The following ANK2 variants were observed in gnomAD, a reference collection of about 807,000 sequenced individuals.
ANK2 encodes the protein ankyrin 2.
ANK2 carries 83 observed loss-of-function variants against 360.5 expected under a neutral mutation model. The ratio of observed to expected loss-of-function variants is 0.23; its 90% CI spans 0.19 to 0.28. ANK2 has a LOEUF of 0.28. ANK2 is among the 10% of genes least tolerant of loss of function. The probability of loss-of-function intolerance (pLI) is 1.00; values close to 1 mark genes in which losing one functional copy is unlikely to be tolerated. For synonymous variants in ANK2, 1,740 were observed against 1,759.5 expected, an observed-to-expected ratio of 0.99 and a Z score of 0.28; for missense variants, 4,201 against 4,795.7, an observed-to-expected ratio of 0.88 and a Z score of 3.66.
rs371805589 is a variant in ANK2 at position 113,236,140 on chromosome 4, G to T, written c.484-847G>T. Among the ~76,000 whole-genome samples, 4 of 139,888 alleles carry T rather than the reference G, an allele frequency of 2.9e-5. No homozygotes were observed. In the East Asian group the frequency reaches 6.8e-4, roughly 24 times the overall value. The allele number at this position is 139,888 out of a possible 152,430, so 91.8% of individuals were successfully genotyped here. ...TTTCCAACTTTTGTGGATTAAGGATGTTTTTTTTTTCTTTCACGTAAGTAG... is the reference window on the plus strand; with the variant it reads ...TTTCCAACTTTTGTGGATTAAGGATTTTTTTTTTTTCTTTCACGTAAGTAG... On this transcript the variant is annotated intron_variant, in intron 5 of 45. Coordinates refer to ENST00000357077, the MANE Select transcript of ANK2 (RefSeq NM_001148.6).
Position 113,358,511 on chromosome 4 carries a change from C to G in ANK2, c.9893C>G (p.Thr3298Ser). ...GCACCCATGGAGAATGTGCCTTTTACTGAAAGCAAATCCAAAATTCCTGTA... is the reference window on the plus strand; with the variant it reads ...GCACCCATGGAGAATGTGCCTTTTAGTGAAAGCAAATCCAAAATTCCTGTA... ...PTAPMENVPF[T>S]ESKSKIPVRT... is the part of the protein sequence containing the mutation. Residue 3298 changes from threonine (T) to serine (S), a missense_variant, in exon 38 of 46, where the codon ACT becomes AGT. Around this residue, in one of 4 missense-constraint regions of ANK2, gnomAD observed 2,642 missense variants for 2,714.5 expected, o/e 0.97. Transcript: ENST00000357077. The G allele has an allele frequency of 6.2e-7, 1 of 1,614,094 alleles. No homozygotes were observed. The highest frequency in any genetic ancestry group is 8.5e-7 in the Non-Finnish European group (1 of 1,179,970).
intron 2 of ANK2, among the ~76,000 whole-genome samples, chr4:113,014,898 A>G (rs1435509242): frequency 3.2e-4 from 38 of 119,352 alleles, no homozygotes; most frequent in Middle Eastern, 8.2e-3. Flanking sequence ...TCGCTCTGTC[A>G]CCCAGGCTGG....
At chr4:112,822,620 C>T (rs1326303363) in intron 1 of ANK2, among the ~76,000 whole-genome samples, 1 of 151,478 alleles carries the variant, frequency 6.6e-6, no homozygotes, top group African/African-American at 2.4e-5. Flanking sequence ...GTGGCATGCG[C>T]CTGTGGCCCC....
intron 2 of ANK2, among the ~76,000 whole-genome samples, chr4:112,982,538 TA>T (rs1295019070): frequency 1.3e-5 from 2 of 152,162 alleles, no homozygotes; most frequent in Non-Finnish European, 2.9e-5. Flanking sequence ...ACAAGAAATT[TA>T]AAAAAATTAT....
At chr4:112,831,040 A>C (rs6823012) in intron 1 of ANK2, among the ~76,000 whole-genome samples, 88,719 of 151,952 alleles carry the variant, frequency 0.58, 26,828 homozygotes, top group East Asian at 0.93. Context: ...CAGCCATCTC[A>C]CCATAGGGCA....
chr4:112,729,212 A>G, the ANK2 span, among the ~76,000 whole-genome samples: 2 of 152,044 alleles, frequency 1.3e-5, no homozygotes, highest in Middle Eastern at 3.4e-3. Context: ...AAACAAACAA[A>G]CAAAGAAACA....
At chr4:113,106,881 T>C (rs774481038) in intron 1 of ANK2, 7 of 533,418 alleles carry the variant, frequency 1.3e-5, no homozygotes, top group Admixed American at 3.9e-5. Context: ...GGATCAATTA[T>C]AGGAGTGAAA....
chr4:113,228,131 A>G (rs1246444716), intron 4 of ANK2, among the ~76,000 whole-genome samples: 1 of 152,118 alleles, frequency 6.6e-6, no homozygotes, highest in Non-Finnish European at 1.5e-5. Context: ...TTTGTCTATC[A>G]TTACTCTTCT....
At chr4:112,914,746 G>A (rs970968498) in intron 2 of ANK2, among the ~76,000 whole-genome samples, 1 of 152,166 alleles carries the variant, frequency 6.6e-6, no homozygotes, top group South Asian at 2.1e-4. Flanking sequence ...GGCACCCACT[G>A]TTTCCTAAAA....
At chr4:113,276,115 G>T (rs2060165769) in intron 15 of ANK2, among the ~76,000 whole-genome samples, 1 of 151,818 alleles carries the variant, frequency 6.6e-6, no homozygotes, top group Admixed American at 6.6e-5. Context: ...CTAAATTTTT[G>T]TATTTTTAGT....
intron 45 of ANK2, among the ~76,000 whole-genome samples, chr4:113,379,986 T>C (rs1018489981): frequency 6.6e-6 from 1 of 152,092 alleles, no homozygotes; most frequent in Non-Finnish European, 1.5e-5. Context: ...GCATAGTGTA[T>C]GGTTATGGAC....
chr4:112,764,303 C>T, the ANK2 span, among the ~76,000 whole-genome samples: 2 of 151,978 alleles, frequency 1.3e-5, no homozygotes, highest in African/African-American at 4.8e-5. Flanking sequence ...GATCTCTTTT[C>T]TATTCGCTAA....
intron 1 of ANK2, chr4:112,827,144 C>A: frequency 8.8e-7 from 1 of 1,142,244 alleles, no homozygotes; most frequent in Non-Finnish European, 1.3e-6. Context: ...TGAATGACTA[C>A]TTACAAGGCA....
intron 1 of ANK2, among the ~76,000 whole-genome samples, chr4:113,150,173 C>G (rs2097004898): frequency 6.6e-6 from 1 of 152,086 alleles, no homozygotes; most frequent in African/African-American, 2.4e-5. Context: ...GTTTGAATTG[C>G]TTTCACACAG....
intron 40 of ANK2, 56 bp downstream of exon 40, chr4:113,363,525 A>G (rs971811130): frequency 1.2e-6 from 2 of 1,605,050 alleles, no homozygotes; most frequent in South Asian, 1.1e-5. Flanking sequence ...TTGCTCAACA[A>G]CCGCATCTTG....
chr4:112,778,897 G>C, the ANK2 span, among the ~76,000 whole-genome samples: 1 of 152,154 alleles, frequency 6.6e-6, no homozygotes, highest in Non-Finnish European at 1.5e-5. Context: ...GGCAGTACTA[G>C]TGCTTTCCAC....
intron 45 of ANK2, among the ~76,000 whole-genome samples, chr4:113,376,846 G>C (rs1291682789): frequency 9.1e-6 from 1 of 110,218 alleles, no homozygotes; most frequent in African/African-American, 3.4e-5. Context: ...GCCTAAGCAT[G>C]TACATTAGCC....
At chr4:112,881,254 A>G (rs1391956635) in intron 1 of ANK2, among the ~76,000 whole-genome samples, 2 of 152,340 alleles carry the variant, frequency 1.3e-5, no homozygotes, top group South Asian at 2.1e-4. Flanking sequence ...CCTGGGCAAC[A>G]TGGTAAAACC....
chr4:113,273,526 A>G (rs970480935), intron 14 of ANK2, among the ~76,000 whole-genome samples: 3 of 152,050 alleles, frequency 2.0e-5, no homozygotes, highest in South Asian at 2.1e-4. Context: ...TTCTTCCTCT[A>G]TATACTTTTC....
Sources: gnomAD v4.1 joint callset for allele counts (sites outside exome capture counted in the v4.1 genomes callset) on GRCh38, gnomAD v4.1.1 for gene constraint, gnomAD v4.1.1 regional missense constraint, MANE v1.5 for transcripts, NCBI Gene and HGNC (gene_info 2026-07-23, HGNC 2026-07-21) for gene names.